CDC27: variants seen among roughly 807,000 people sequenced by gnomAD.
The protein encoded by CDC27 is cell division cycle protein 27 homolog.
CDC27 carries 27 observed loss-of-function variants against 109.7 expected under a neutral mutation model. The observed-to-expected ratio is 0.25, with a 90% CI of 0.18 to 0.34. CDC27 has a LOEUF of 0.34. CDC27 is among the 10% of genes least tolerant of loss of function. The probability of loss-of-function intolerance (pLI) is 1.00; values close to 1 mark genes in which losing one functional copy is unlikely to be tolerated. For synonymous variants in CDC27, 266 were observed against 333.9 expected, an observed-to-expected ratio of 0.80 and a Z score of 2.22; for missense variants, 579 against 960.2, an observed-to-expected ratio of 0.60 and a Z score of 5.25.
intron 15 of CDC27, among the ~76,000 whole-genome samples, chr17:47,130,877 CA>C (rs35788312): frequency 0.025 from 3,534 of 138,976 alleles, 128 homozygotes; most frequent in African/African-American, 0.087. Flanking sequence ...AACTCCATCT[CA>C]AAAAAAAAAA....
intron 2 of CDC27, among the ~76,000 whole-genome samples, chr17:47,179,118 C>T (rs908789336): frequency 3.3e-5 from 5 of 152,018 alleles, no homozygotes; most frequent in African/African-American, 9.7e-5. Flanking sequence ...AGTCTCAGGC[C>T]GACTATAAAT....
At chr17:47,173,137 T>A (rs1247675613) in intron 2 of CDC27, among the ~76,000 whole-genome samples, 3 of 152,348 alleles carry the variant, frequency 2.0e-5, no homozygotes, top group African/African-American at 7.2e-5. Context: ...ACTTGCCACA[T>A]CTTTTTAAAT....
intron 4 of CDC27, chr17:47,162,141 T>C (rs965537565): frequency 6.6e-6 from 1 of 152,230 alleles, no homozygotes; most frequent in Non-Finnish European, 1.5e-5. Context: ...GACTCAAAAA[T>C]CCTACTTAGA....
chr17:47,131,486 C>T (rs2062330459), intron 15 of CDC27, among the ~76,000 whole-genome samples: 1 of 151,872 alleles, frequency 6.6e-6, no homozygotes. Flanking sequence ...TATGACCATT[C>T]CCACAAAAGC....
chr17:47,179,972 G>A (rs1335507574), intron 2 of CDC27, among the ~76,000 whole-genome samples: 1 of 152,060 alleles, frequency 6.6e-6, no homozygotes, highest in East Asian at 1.9e-4. Flanking sequence ...ACTAGAAATA[G>A]AAGACAGTGG....
At chr17:47,162,877 C>T (rs1453601368) in intron 4 of CDC27, among the ~76,000 whole-genome samples, 3 of 152,034 alleles carry the variant, frequency 2.0e-5, no homozygotes, top group Admixed American at 2.0e-4. Context: ...ATTAGATACA[C>T]ATATGGATAG....
chr17:47,137,295 G>A lies in CDC27; in HGVS notation c.1770C>T (p.Phe590=), dbSNP rs111322439. ...QREHDIAIKF[F]QRAIQVDPNY... is the part of the protein sequence containing the mutation. The stretch of plus-strand genomic sequence containing the variant: ...TTGGATCAACTTGGATAGCTCTCTG[G>A]AAGAATTTAATTGCAATATCATGTT... The change falls in exon 14 of 19, where the codon TTC becomes TTT. Residue 590 remains phenylalanine (F), a synonymous_variant. Transcript: ENST00000066544. 2 of 1,611,774 alleles carry A rather than the reference G, an allele frequency of 1.2e-6. No individual in the cohort carries two copies. The highest frequency in any genetic ancestry group is 2.2e-5 in the South Asian group (2 of 90,770).
chr17:47,189,041 G>A (rs1199439739), intron 1 of CDC27, 105 bp downstream of exon 1: 13 of 1,519,424 alleles, frequency 8.6e-6, no homozygotes, highest in South Asian at 4.6e-5. Context: ...GGGGAGGCGG[G>A]AGAAGCAGCC....
At chr17:47,165,539 TGA>T (rs1030064528) in intron 4 of CDC27, among the ~76,000 whole-genome samples, 1 of 152,240 alleles carries the variant, frequency 6.6e-6, no homozygotes, top group African/African-American at 2.4e-5. Flanking sequence ...CTTTTATTAC[TGA>T]GAGAGTTCTT....
chr17:47,162,975 T>C (rs1247180678), intron 4 of CDC27, among the ~76,000 whole-genome samples: 1 of 152,148 alleles, frequency 6.6e-6, no homozygotes, highest in African/African-American at 2.4e-5. Flanking sequence ...AAACCTCTAA[T>C]TATTCAATAG....
At chr17:47,156,799 G>C (rs530492539) in intron 7 of CDC27, 114 bp downstream of exon 7, 5 of 448,902 alleles carry the variant, frequency 1.1e-5, no homozygotes, top group African/African-American at 1.0e-4. Flanking sequence ...GAATGCCCCT[G>C]TTTCCACAGT....
At chr17:47,134,289 C>T (rs1291949908) in intron 14 of CDC27, among the ~76,000 whole-genome samples, 1 of 149,140 alleles carries the variant, frequency 6.7e-6, no homozygotes, top group Non-Finnish European at 1.5e-5. Context: ...AGAAACCACA[C>T]CCCTAAACCC....
At position 47,142,330 on chromosome 17, in the gene CDC27, C is replaced by A. The variant is rs762807784; in HGVS notation, c.1277G>T (p.Ser426Ile). 1 of 1,548,964 alleles carries A rather than the reference C, an allele frequency of 6.5e-7. No individual in the cohort carries two copies. Among genetic ancestry groups the A allele is most frequent in the Admixed American group, 1.7e-5 (1 of 59,300 alleles). Reference protein sequence around the residue: ...GGITQPNINDSLEITKLDSSI... With the variant: ...GGITQPNINDILEITKLDSSI... ...AGAGTCCAATTTTGTAATTTCCAGGCTATCATTTATGTTAGGTTGAGTTAT... is the reference window on the plus strand; with the variant it reads ...AGAGTCCAATTTTGTAATTTCCAGGATATCATTTATGTTAGGTTGAGTTAT... The change falls in exon 11 of 19, where the codon AGC becomes ATC. Residue 426 changes from serine (S) to isoleucine (I), a missense_variant. Physicochemically the swap from Ser to Ile is moderately radical, Grantham distance 142. This residue lies in a region of CDC27 where 58 missense variants were observed against 116.6 expected (regional missense o/e 0.50). Coordinates refer to ENST00000066544, the MANE Select transcript of CDC27 (RefSeq NM_001256.6).
rs919364948 is a variant in CDC27 at position 47,157,208 on chromosome 17, C to A, written c.630+22G>T. 3 of 1,589,846 alleles carry A rather than the reference C, an allele frequency of 1.9e-6. No individual in the cohort carries two copies. The African/African-American group carries it at 4.1e-5, about 21-fold the overall frequency. Reference sequence around the variant, plus strand: ...TTTGTAGTTTTCATAATATTTTGAACACTAGAATATAAGACACTTACAATT... The same window carrying A: ...TTTGTAGTTTTCATAATATTTTGAAAACTAGAATATAAGACACTTACAATT... On this transcript the variant is annotated intron_variant, in intron 6 of 18. Transcript: ENST00000066544.
At chr17:47,126,210 C>CT (rs1309858946) in intron 16 of CDC27, among the ~76,000 whole-genome samples, 1 of 152,102 alleles carries the variant, frequency 6.6e-6, no homozygotes, top group Non-Finnish European at 1.5e-5. Context: ...ACTTTTCTTT[C>CT]TTTTTTTCAA....
Position 47,120,919 on chromosome 17 carries a change from G to A in CDC27, c.*16C>T. The A allele has an allele frequency of 6.3e-7, 1 of 1,590,832 alleles. No individual in the cohort carries two copies. The highest frequency in any genetic ancestry group is 1.3e-5 in the African/African-American group (1 of 74,576). Reference sequence around the variant, plus strand: ...ACTAGTCACACATCCAGTTGTAAAAGTCTGATTTCCAGAAGTTAAAATTCA... The same window carrying A: ...ACTAGTCACACATCCAGTTGTAAAAATCTGATTTCCAGAAGTTAAAATTCA... On this transcript the variant is annotated 3_prime_UTR_variant, in exon 19 of 19. Coordinates refer to ENST00000066544, the MANE Select transcript of CDC27 (RefSeq NM_001256.6).
intron 1 of CDC27, among the ~76,000 whole-genome samples, chr17:47,188,240 G>A (rs1409956629): frequency 6.6e-6 from 1 of 152,140 alleles, no homozygotes; most frequent in East Asian, 1.9e-4. Flanking sequence ...ATCATATAGT[G>A]GGATGAAGTC....
Position 47,138,910 on chromosome 17 carries a change from G to A in CDC27, c.1552-19C>T. On this transcript the variant is annotated intron_variant, in intron 12 of 18. Coordinates refer to ENST00000066544, the MANE Select transcript of CDC27 (RefSeq NM_001256.6). ...TTTCAGCCTGAAATAAAAAAAACTA[G>A]TAAGAGAAAACAAGTTGATACAATT... The A allele has an allele frequency of 1.3e-6, 2 of 1,519,956 alleles. No homozygotes were observed. The highest frequency in any genetic ancestry group is 1.2e-5 in the South Asian group (1 of 81,854). The allele number at this position is 1,519,956 out of a possible 1,614,324, so 94.2% of individuals were successfully genotyped here. A position where few individuals can be genotyped will look rare whatever the true frequency, so the allele number is the denominator to read the frequency against.
intron 9 of CDC27, among the ~76,000 whole-genome samples, chr17:47,144,198 T>C (rs1414373096): frequency 6.6e-6 from 1 of 152,186 alleles, no homozygotes; most frequent in Non-Finnish European, 1.5e-5. Context: ...AGCTTGCAGA[T>C]GGCCTCTTGT....
Sources: allele counts gnomAD v4.1 joint callset (sites outside exome capture counted in the v4.1 genomes callset), GRCh38; gene constraint gnomAD v4.1.1; regional missense constraint gnomAD v4.1.1; transcripts MANE v1.5; gene names NCBI Gene and HGNC (gene_info 2026-07-23, HGNC 2026-07-21).